PXDNL: variants seen among roughly 807,000 people sequenced by gnomAD.
PXDNL encodes probable oxidoreductase PXDNL.
In PXDNL, 145 loss-of-function variants were observed where a neutral mutation model predicts 150.8. The ratio of observed to expected loss-of-function variants is 0.96; its 90% CI spans 0.84 to 1.10. The LOEUF (loss-of-function observed/expected upper bound fraction) is 1.10, where lower values mean the gene tolerates loss of function less well. PXDNL is among the 50% of genes least tolerant of loss of function. PXDNL has a pLI of 0.00. For missense variants in PXDNL, 2,087 were observed against 1,873.9 expected (o/e 1.11, Z -2.10); for synonymous variants, 757 against 725.7 (o/e 1.04, Z -0.69).
Position 51,408,156 on chromosome 8 carries a change from G to A in PXDNL, c.3468C>T (p.Phe1156=). ...CTGAAGTCAAATTACAGAAAACTCT[G>A]AAGTCAACATATGGTGGGATCCCGT... ...RDHGIPPYVD[F]RVFCNLTSVK... Residue 1156 remains phenylalanine (F), a synonymous_variant, in exon 17 of 23, where the codon TTC becomes TTT. Coordinates refer to ENST00000356297, the MANE Select transcript of PXDNL (RefSeq NM_144651.5). The A allele has an allele frequency of 6.2e-7, 1 of 1,613,920 alleles. No homozygotes were observed. The highest frequency in any genetic ancestry group is 8.5e-7 in the Non-Finnish European group (1 of 1,179,826).
intron 5 of PXDNL, among the ~76,000 whole-genome samples, chr8:51,496,293 A>G (rs1688999803): frequency 6.6e-6 from 1 of 152,228 alleles, no homozygotes; most frequent in Non-Finnish European, 1.5e-5. Flanking sequence ...AATAATAAGA[A>G]CTATCTATGA....
chr8:51,381,870 A>G lies in PXDNL; in HGVS notation c.3558-7139T>C, dbSNP rs1293049459. Among the ~76,000 whole-genome samples, 3 of 152,086 alleles carry G rather than the reference A, an allele frequency of 2.0e-5. No homozygotes were observed. The East Asian group carries it at 5.8e-4, about 29-fold the overall frequency. On this transcript the variant is annotated intron_variant, in intron 17 of 22. Transcript: ENST00000356297. ...AAAGATATGATTTAATAAGAAAAAT[A>G]GAAACACTAATGACAGGTTAACTGC...
At chr8:51,683,534 C>T (rs553224956) in intron 1 of PXDNL, among the ~76,000 whole-genome samples, 1 of 152,050 alleles carries the variant, frequency 6.6e-6, no homozygotes, top group South Asian at 2.1e-4. Context: ...CATAAAGTCT[C>T]AATTATGCAA....
chr8:51,795,780 A>G (rs999033325), intron 1 of PXDNL, among the ~76,000 whole-genome samples: 1 of 152,230 alleles, frequency 6.6e-6, no homozygotes, highest in African/African-American at 2.4e-5. Flanking sequence ...AGTTCAGCTG[A>G]GTGTCTGGGC....
At chr8:51,371,830 C>T (rs1311455957) in intron 19 of PXDNL, 43 bp downstream of exon 19, 1 of 1,476,096 alleles carries the variant, frequency 6.8e-7, no homozygotes, top group Non-Finnish European at 9.4e-7. Flanking sequence ...AGCATGAGAA[C>T]ATGCACATCA....
chr8:51,744,591 G>C (rs1399137448), intron 1 of PXDNL, among the ~76,000 whole-genome samples: 4 of 137,060 alleles, frequency 2.9e-5, no homozygotes, highest in African/African-American at 1.1e-4. Flanking sequence ...CAGGAGAATG[G>C]CATGAACCTG....
intron 19 of PXDNL, among the ~76,000 whole-genome samples, chr8:51,369,131 G>A (rs190961941): frequency 4.1e-4 from 63 of 152,318 alleles, no homozygotes; most frequent in African/African-American, 1.2e-3. Flanking sequence ...AAAGACAAGT[G>A]TACTGAGTAG....
At chr8:51,678,465 C>A (rs1815674865) in intron 1 of PXDNL, among the ~76,000 whole-genome samples, 1 of 151,978 alleles carries the variant, frequency 6.6e-6, no homozygotes, top group Non-Finnish European at 1.5e-5. Flanking sequence ...TTGGAACCAA[C>A]CCAGATGTCC....
intron 12 of PXDNL, among the ~76,000 whole-genome samples, chr8:51,429,830 T>C (rs534492455): frequency 6.6e-6 from 1 of 152,230 alleles, no homozygotes; most frequent in African/African-American, 2.4e-5. Flanking sequence ...ATGAAACATT[T>C]ATTGCTGAGA....
At chr8:51,618,033 G>A (rs1179767079) in intron 2 of PXDNL, among the ~76,000 whole-genome samples, 4 of 152,210 alleles carry the variant, frequency 2.6e-5, no homozygotes, top group Non-Finnish European at 4.4e-5. Context: ...TTTGAAAGTC[G>A]CTGCTTCTTT....
chr8:51,601,136 C>T (rs1241936618), intron 2 of PXDNL, among the ~76,000 whole-genome samples: 1 of 150,872 alleles, frequency 6.6e-6, no homozygotes, highest in Non-Finnish European at 1.5e-5. Flanking sequence ...TGCTTTATGG[C>T]CAAGCATATG....
intron 17 of PXDNL, among the ~76,000 whole-genome samples, chr8:51,396,680 C>A (rs902464656): frequency 6.6e-6 from 1 of 152,150 alleles, no homozygotes; most frequent in Non-Finnish European, 1.5e-5. Flanking sequence ...AACGCTTGAA[C>A]GTGGGAGGCA....
intron 2 of PXDNL, among the ~76,000 whole-genome samples, chr8:51,641,047 G>C (rs187388540): frequency 7.2e-5 from 11 of 152,056 alleles, no homozygotes; most frequent in Non-Finnish European, 1.5e-4. Flanking sequence ...CAGAAATAAC[G>C]CCACATATCT....
intron 17 of PXDNL, among the ~76,000 whole-genome samples, chr8:51,401,895 C>G (rs2977012): frequency 0.82 from 125,458 of 152,164 alleles, 51,876 homozygotes; most frequent in East Asian, 0.94. Context: ...GGAAAGGTGA[C>G]GGGGTGGTGT....
At chr8:51,633,042 C>A (rs563684255) in intron 2 of PXDNL, among the ~76,000 whole-genome samples, 5 of 151,944 alleles carry the variant, frequency 3.3e-5, no homozygotes, top group Non-Finnish European at 7.4e-5. Flanking sequence ...AGTCCTTGCA[C>A]CCTTCCCTCT....
chr8:51,742,840 C>A (rs1371647440), intron 1 of PXDNL, among the ~76,000 whole-genome samples: 2 of 151,964 alleles, frequency 1.3e-5, no homozygotes, highest in African/African-American at 4.8e-5. Flanking sequence ...AGAAATGTGA[C>A]CCAAGCCCGA....
At chr8:51,609,200 T>C (rs1813943965) in intron 2 of PXDNL, among the ~76,000 whole-genome samples, 1 of 152,228 alleles carries the variant, frequency 6.6e-6, no homozygotes, top group Non-Finnish European at 1.5e-5. Context: ...TTACTTACTA[T>C]TTTGGAGTTT....
At chr8:51,612,692 G>A (rs1448971018) in intron 2 of PXDNL, among the ~76,000 whole-genome samples, 1 of 152,188 alleles carries the variant, frequency 6.6e-6, no homozygotes, top group Non-Finnish European at 1.5e-5. Context: ...ACCATGGGAG[G>A]ACACAGGGAG....
At chr8:51,783,421 C>A (rs1305725234) in intron 1 of PXDNL, among the ~76,000 whole-genome samples, 1 of 152,138 alleles carries the variant, frequency 6.6e-6, no homozygotes, top group Non-Finnish European at 1.5e-5. Context: ...GGAAGAAATA[C>A]AGAATGGAAA....
Sources: allele counts gnomAD v4.1 joint callset (sites outside exome capture counted in the v4.1 genomes callset), GRCh38; gene constraint gnomAD v4.1.1; transcripts MANE v1.5; gene names NCBI Gene and HGNC (gene_info 2026-07-23, HGNC 2026-07-21).